PRKN: variants seen among roughly 807,000 people sequenced by gnomAD.
PRKN encodes the protein parkin RBR E3 ubiquitin protein ligase.
Under a neutral mutation model 59.5 loss-of-function variants are expected in PRKN, and 56 were observed. That is an observed-to-expected ratio of 0.94 (90% CI 0.76 to 1.18). The LOEUF (loss-of-function observed/expected upper bound fraction) is 1.18, where lower values mean the gene tolerates loss of function less well. Among genes scored for constraint, PRKN ranks in the 50% most tolerant of loss-of-function variants. PRKN has a pLI of 0.00. For synonymous variants in PRKN, 250 were observed against 222.1 expected, an observed-to-expected ratio of 1.13 and a Z score of -1.12; for missense variants, 657 against 596.4, an observed-to-expected ratio of 1.10 and a Z score of -1.06.
rs1421840556 is a variant in PRKN at position 161,546,938 on chromosome 6, C to T, written c.1083+1916G>A. ...ACTGAGGACTTTTTTTGCCAACAGT[C>T]ATGTGAATGAGCTACCTTGGAAGTA... is the stretch of plus-strand genomic sequence containing the variant. On this transcript the variant is annotated intron_variant, in intron 9 of 11. Transcript: ENST00000366898. The surrounding 1 kb of genome is among the most constrained non-coding windows in gnomAD (Gnocchi z 4.4). Among the ~76,000 whole-genome samples, 1 of 152,066 alleles carries T rather than the reference C, an allele frequency of 6.6e-6. No homozygotes were observed. Among genetic ancestry groups the T allele is most frequent in the Non-Finnish European group, 1.5e-5 (1 of 68,016 alleles).
chr6:162,455,160 G>A (rs543166507), intron 1 of PRKN, among the ~76,000 whole-genome samples: 1 of 152,190 alleles, frequency 6.6e-6, no homozygotes, highest in African/African-American at 2.4e-5. Flanking sequence ...CTATAATACT[G>A]AAGATGACGG....
chr6:162,511,062 C>T (rs1477814009), intron 1 of PRKN, among the ~76,000 whole-genome samples: 1 of 151,814 alleles, frequency 6.6e-6, no homozygotes, highest in Non-Finnish European at 1.5e-5. Flanking sequence ...TTATAAAGAC[C>T]AATAGCATAC....
rs554515432 is a variant in PRKN, at chr6:161,351,614, C to T, written c.1286-1403G>A. Among the ~76,000 whole-genome samples, 495 of 152,242 alleles carry T rather than the reference C, an allele frequency of 3.3e-3. 2 individuals are homozygous for T. Among genetic ancestry groups the T allele is most frequent in the Non-Finnish European group, 5.8e-3 (395 of 68,018 alleles). On this transcript the variant is annotated intron_variant, in intron 11 of 11. Transcript: ENST00000366898. ...TGCTGGGATTACAGGCGTGAGCTAC[C>T]GCACCCAGCCAGCATATTATTTTTA... is the stretch of plus-strand genomic sequence containing the variant.
At chr6:161,747,984 A>C (rs769301504) in intron 7 of PRKN, among the ~76,000 whole-genome samples, 1 of 152,130 alleles carries the variant, frequency 6.6e-6, no homozygotes, top group African/African-American at 2.4e-5. Context: ...TTTGGGATTT[A>C]TTGCTCTTGT....
chr6:161,454,970 T>C lies in PRKN; in HGVS notation c.1084-68093A>G, dbSNP rs1397700763. On this transcript the variant is annotated intron_variant, in intron 9 of 11. Coordinates refer to ENST00000366898, the MANE Select transcript of PRKN (RefSeq NM_004562.3). The surrounding 1 kb of genome is among the most constrained non-coding windows in gnomAD (Gnocchi z 4.6). Reference sequence around the variant, plus strand: ...CATTATATTACATCTAGATTTGTCATATCCTGTCTCTCCTATTAGAACATA... The same window carrying C: ...CATTATATTACATCTAGATTTGTCACATCCTGTCTCTCCTATTAGAACATA... Among the ~76,000 whole-genome samples the C allele has an allele frequency of 2.0e-5, 3 of 152,158 alleles. No homozygotes were observed. The highest frequency in any genetic ancestry group is 4.4e-5 in the Non-Finnish European group (3 of 68,022).
chr6:161,736,188 C>CA (rs1338033967), intron 7 of PRKN, among the ~76,000 whole-genome samples: 7 of 152,132 alleles, frequency 4.6e-5, no homozygotes, highest in Non-Finnish European at 8.8e-5. Context: ...TCAAAGAACT[C>CA]AAAATCTCAT....
At chr6:162,399,508 C>T (rs1787650591) in intron 2 of PRKN, among the ~76,000 whole-genome samples, 1 of 152,040 alleles carries the variant, frequency 6.6e-6, no homozygotes, top group Non-Finnish European at 1.5e-5. Flanking sequence ...TCCATGAAAC[C>T]CAAGTATTCA....
In PRKN at chr6:162,174,824, T is replaced by C. The variant is rs74966585; in HGVS notation, c.534+26307A>G. ...GAATCTTCCCAACAGAAAGTCATTG[T>C]GTCCCTCCTAGTTCAGAAATACTAA... On this transcript the variant is annotated intron_variant, in intron 4 of 11. Transcript: ENST00000366898. 6.5e-3 allele frequency among the ~76,000 whole-genome samples: 995 copies of C among 152,350 alleles called. 9 individuals carry two copies. The highest frequency in any genetic ancestry group is 0.023 in the African/African-American group (941 of 41,588).
At chr6:161,916,172 A>G (rs890612021) in intron 6 of PRKN, among the ~76,000 whole-genome samples, 1 of 152,232 alleles carries the variant, frequency 6.6e-6, no homozygotes, top group African/African-American at 2.4e-5. Flanking sequence ...GTTAAGAAGA[A>G]AAGTAATTTC....
intron 7 of PRKN, among the ~76,000 whole-genome samples, chr6:161,603,463 G>C (rs1204521756): frequency 6.6e-6 from 1 of 152,174 alleles, no homozygotes; most frequent in Non-Finnish European, 1.5e-5. Context: ...TCAATGACCT[G>C]TGGTGGAGCT....
intron 3 of PRKN, among the ~76,000 whole-genome samples, chr6:162,254,568 T>C (rs1779569617): frequency 1.3e-5 from 2 of 152,172 alleles, no homozygotes; most frequent in Admixed American, 1.3e-4. Flanking sequence ...TGATTCAATC[T>C]GAATCTGTGT....
At chr6:161,799,138 G>A (rs1489625818) in intron 6 of PRKN, among the ~76,000 whole-genome samples, 3 of 152,150 alleles carry the variant, frequency 2.0e-5, no homozygotes, top group Non-Finnish European at 4.4e-5. Flanking sequence ...GTCCTAGATG[G>A]GCCACCAAGC....
chr6:162,671,452 T>C (rs903791476), intron 1 of PRKN, among the ~76,000 whole-genome samples: 12 of 149,476 alleles, frequency 8.0e-5, no homozygotes, highest in Middle Eastern at 3.5e-3. Flanking sequence ...TGAGCCGAGA[T>C]TGCGCCACTG....
At chr6:161,673,306 G>A (rs1162353045) in intron 7 of PRKN, among the ~76,000 whole-genome samples, 2 of 152,170 alleles carry the variant, frequency 1.3e-5, no homozygotes, top group African/African-American at 4.8e-5. Flanking sequence ...AAGGAGGCAA[G>A]TCCTCAGAGA....
At chr6:161,676,189 G>A (rs998776170) in intron 7 of PRKN, among the ~76,000 whole-genome samples, 2 of 152,186 alleles carry the variant, frequency 1.3e-5, no homozygotes, top group African/African-American at 4.8e-5. Flanking sequence ...TGCTGGCCTG[G>A]GTTCGTACTT....
chr6:162,276,171 C>A (rs1274578666), intron 2 of PRKN, among the ~76,000 whole-genome samples: 1 of 152,152 alleles, frequency 6.6e-6, no homozygotes, highest in African/African-American at 2.4e-5. Context: ...TGATATTTCC[C>A]ATTCAAACCG....
At chr6:161,959,674 A>G (rs528314969) in intron 6 of PRKN, among the ~76,000 whole-genome samples, 74 of 152,326 alleles carry the variant, frequency 4.9e-4, no homozygotes, top group Admixed American at 2.8e-3. Flanking sequence ...ACTCAGGGTT[A>G]GATACTCCCA....
rs1226239087 is a variant in PRKN, at chr6:161,544,899, A to G, written c.1083+3955T>C. Among the ~76,000 whole-genome samples, 8 of 152,216 alleles carry G rather than the reference A, an allele frequency of 5.3e-5. No homozygotes were observed. Among genetic ancestry groups the G allele is most frequent in the Non-Finnish European group, 1.0e-4 (7 of 68,042 alleles). On this transcript the variant is annotated intron_variant, in intron 9 of 11. Transcript: ENST00000366898. The surrounding 1 kb of genome is among the most constrained non-coding windows in gnomAD (Gnocchi z 5.5). ...ATGTTTGAACAAAAGAGTCATAAAT[A>G]CTAACTATAGCACCTATTTTACAGA...
intron 1 of PRKN, among the ~76,000 whole-genome samples, chr6:162,520,820 T>G (rs1392127099): frequency 6.6e-6 from 1 of 151,460 alleles, no homozygotes; most frequent in East Asian, 1.9e-4. Flanking sequence ...AGATTAAGAG[T>G]GTCAGAATTA....
Sources: allele counts gnomAD v4.1 joint callset (sites outside exome capture counted in the v4.1 genomes callset), GRCh38; gene constraint gnomAD v4.1.1; non-coding constraint Gnocchi (gnomAD v3.1); transcripts MANE v1.5; gene names NCBI Gene and HGNC (gene_info 2026-07-23, HGNC 2026-07-21).